RELN: variants seen among roughly 807,000 people sequenced by gnomAD.
RELN encodes reelin.
In RELN, 108 loss-of-function variants were observed where a neutral mutation model predicts 427.6. That is an observed-to-expected ratio of 0.25 (90% confidence interval 0.22 to 0.30). The LOEUF (loss-of-function observed/expected upper bound fraction) is 0.30. Ranked by LOEUF, RELN falls within the 10% of genes least tolerant of loss-of-function variation. RELN has a pLI of 1.00. For missense variants in RELN, 3,715 were observed against 4,302.8 expected (o/e 0.86, Z 3.82); for synonymous variants, 1,524 against 1,513.4 (o/e 1.01, Z -0.16).
chr7:103,700,797 A>C, intron 9 of RELN, 113 bp downstream of exon 9: 1 of 751,134 alleles, frequency 1.3e-6, no homozygotes, highest in Non-Finnish European at 2.4e-6. Flanking sequence ...CATAATTAAC[A>C]ACCAGAGTCC....
intron 28 of RELN, among the ~76,000 whole-genome samples, chr7:103,576,265 G>A (rs1054663349): frequency 6.6e-6 from 1 of 152,052 alleles, no homozygotes. Context: ...TCAGCCTCCC[G>A]AGTAGCTGAG....
chr7:103,539,406 G>A (rs1022385693), intron 44 of RELN, 79 bp from the exon 45 acceptor site: 2 of 1,468,590 alleles, frequency 1.4e-6, no homozygotes, highest in African/African-American at 1.4e-5. Flanking sequence ...TCGTTTGTTT[G>A]TTTGTTTGTT....
At chr7:103,883,905 C>T (rs948399607) in intron 2 of RELN, among the ~76,000 whole-genome samples, 1 of 152,156 alleles carries the variant, frequency 6.6e-6, no homozygotes, top group Non-Finnish European at 1.5e-5. Context: ...TTGCCATTGA[C>T]TTTCTTCACA....
At position 103,826,346 on chromosome 7, in the gene RELN, GT is replaced by G. The variant is rs1584272292; in HGVS notation, c.473+7190del. On this transcript the variant is annotated intron_variant, in intron 3 of 64. Coordinates refer to ENST00000428762, the MANE Select transcript of RELN (RefSeq NM_005045.4). ...TGTGTGTGTGTGTGTGTGTGTGTGT[GT>G]GTGTGTGTGTGTATACACATACATA... 3.6e-5 allele frequency among the ~76,000 whole-genome samples: 5 copies of G among 138,460 alleles called. No individual in the cohort carries two copies. The East Asian group carries it at 1.1e-3, about 30-fold the overall frequency. The allele number at this position is 138,460 out of a possible 152,430, so 90.8% of individuals were successfully genotyped here. A position where few individuals can be genotyped will look rare whatever the true frequency, so the allele number is the denominator to read the frequency against.
intron 3 of RELN, among the ~76,000 whole-genome samples, chr7:103,819,082 G>A (rs1792952683): frequency 1.3e-5 from 2 of 152,094 alleles, no homozygotes; most frequent in Admixed American, 1.3e-4. Flanking sequence ...ATGTGCAGGT[G>A]TCAGTGTGAC....
chr7:103,687,028 G>A (rs1833778824), intron 10 of RELN, among the ~76,000 whole-genome samples: 3 of 152,094 alleles, frequency 2.0e-5, no homozygotes, highest in African/African-American at 2.4e-5. Context: ...GGAGCTTAAG[G>A]AGTGTTTTTT....
intron 28 of RELN, among the ~76,000 whole-genome samples, chr7:103,576,528 C>A (rs1831006371): frequency 6.6e-6 from 1 of 152,134 alleles, no homozygotes; most frequent in Non-Finnish European, 1.5e-5. Context: ...CATTATTTTA[C>A]TCAATTAATA....
intron 12 of RELN, among the ~76,000 whole-genome samples, chr7:103,657,721 G>A (rs1352411897): frequency 1.3e-5 from 2 of 152,028 alleles, no homozygotes; most frequent in African/African-American, 4.8e-5. Flanking sequence ...AGATTCTTCC[G>A]GGAGCAATTT....
At chr7:103,750,175 G>A (rs113649496) in intron 5 of RELN, among the ~76,000 whole-genome samples, 2,606 of 152,130 alleles carry the variant, frequency 0.017, 69 homozygotes, top group African/African-American at 0.06. Context: ...ACGGGGTTCC[G>A]CCATGTTGGC....
At position 103,917,183 on chromosome 7, in the gene RELN, T is replaced by C; in HGVS notation, c.229A>G (p.Thr77Ala). ...YYVPGQEYHV[T>A]ISTSTFFDGL... ...TCAAAAAAGGTGCTTGTTGAAATTGTCACTGAAATGTAAGAAAGAAAAAAA... is the reference window on the plus strand; with the variant it reads ...TCAAAAAAGGTGCTTGTTGAAATTGCCACTGAAATGTAAGAAAGAAAAAAA... Residue 77 changes from threonine to alanine, a missense_variant and splice_region_variant, in exon 2 of 65, where the codon ACA becomes GCA. Coordinates refer to ENST00000428762, the MANE Select transcript of RELN (RefSeq NM_005045.4). 1 of 1,611,442 alleles carries C rather than the reference T, an allele frequency of 6.2e-7. No homozygotes were observed. Among genetic ancestry groups the C allele is most frequent in the Non-Finnish European group, 8.5e-7 (1 of 1,177,882 alleles).
chr7:103,534,466 T>A (rs536897828), intron 46 of RELN, among the ~76,000 whole-genome samples: 2 of 148,942 alleles, frequency 1.3e-5, no homozygotes, highest in East Asian at 3.9e-4. Context: ...CAGAATTTAC[T>A]AGGCAATTTT....
intron 2 of RELN, among the ~76,000 whole-genome samples, chr7:103,862,409 T>TTCGTTCTA (rs57691471): frequency 0.019 from 2,770 of 144,822 alleles, 57 homozygotes; most frequent in East Asian, 0.077. Flanking sequence ...TATGCTTTTG[T>TTCGTTCTA]TCTATCTATC....
intron 50 of RELN, chr7:103,513,521 A>G (rs1319792679): frequency 2.0e-5 from 3 of 152,244 alleles, no homozygotes; most frequent in African/African-American, 2.4e-5. Flanking sequence ...GCAAATTTCA[A>G]TAACCTTCTT....
Position 103,989,408 on chromosome 7 carries a change from C to T in RELN, c.-52G>A. On this transcript the variant is annotated 5_prime_UTR_variant, in exon 1 of 65. Transcript: ENST00000428762. The surrounding 1 kb of genome is among the most constrained non-coding windows in gnomAD (Gnocchi z 4.9). ...GCGCCCTACGCGCCGCTCGCTCATTCAGTTTTGGAGACGCCGGGACGGAGG... is the reference window on the plus strand; with the variant it reads ...GCGCCCTACGCGCCGCTCGCTCATTTAGTTTTGGAGACGCCGGGACGGAGG... 7.2e-7 allele frequency: 1 copy of T among 1,392,804 alleles called. No homozygotes were observed. The highest frequency in any genetic ancestry group is 1.7e-5 in the South Asian group (1 of 57,540). The allele number at this position is 1,392,804 out of a possible 1,614,324, so 86.3% of individuals were successfully genotyped here. A position where few individuals can be genotyped will look rare whatever the true frequency, so the allele number is the denominator to read the frequency against.
intron 28 of RELN, among the ~76,000 whole-genome samples, chr7:103,581,700 T>C (rs1831154014): frequency 6.6e-6 from 1 of 152,146 alleles, no homozygotes; most frequent in Non-Finnish European, 1.5e-5. Flanking sequence ...ACCATTTAAA[T>C]CTAGACTGAC....
At chr7:103,741,055 A>G (rs11971478) in intron 6 of RELN, among the ~76,000 whole-genome samples, 3,338 of 152,306 alleles carry the variant, frequency 0.022, 111 homozygotes, top group Admixed American at 0.1. Flanking sequence ...ACAAAGCTCC[A>G]CTGGGTTTCT....
chr7:103,737,466 T>C (rs1162319460), intron 6 of RELN, among the ~76,000 whole-genome samples: 1 of 152,238 alleles, frequency 6.6e-6, no homozygotes, highest in African/African-American at 2.4e-5. Flanking sequence ...TTTTATTATT[T>C]ATGGCATGGG....
At chr7:103,730,645 A>G (rs1790331419) in intron 6 of RELN, among the ~76,000 whole-genome samples, 1 of 152,148 alleles carries the variant, frequency 6.6e-6, no homozygotes, top group Admixed American at 6.6e-5. Context: ...TGCTGAAGAA[A>G]CTAAAAGATT....
At chr7:103,833,191 A>G (rs369828155) in intron 3 of RELN, among the ~76,000 whole-genome samples, 1 of 152,020 alleles carries the variant, frequency 6.6e-6, no homozygotes, top group African/African-American at 2.4e-5. Flanking sequence ...CAGATTTCCA[A>G]ATTTACTTCT....
Sources: gnomAD v4.1 joint callset for allele counts (sites outside exome capture counted in the v4.1 genomes callset) on GRCh38, gnomAD v4.1.1 for gene constraint, Gnocchi (gnomAD v3.1) non-coding constraint, MANE v1.5 for transcripts, NCBI Gene and HGNC (gene_info 2026-07-23, HGNC 2026-07-21) for gene names.